The following RAP1A variants were observed in gnomAD, a reference collection of about 807,000 sequenced individuals.
The protein encoded by RAP1A is RAP1A, member of RAS oncogene family.
In RAP1A, 6 loss-of-function variants were observed where a neutral mutation model predicts 26.4. The observed-to-expected ratio is 0.23, with a 90% CI of 0.12 to 0.45. The LOEUF is 0.45. RAP1A is among the 20% of genes least tolerant of loss of function. The probability of loss-of-function intolerance (pLI) is 0.99; values close to 1 mark genes in which losing one functional copy is unlikely to be tolerated. For missense variants in RAP1A, 121 were observed against 217.2 expected, an observed-to-expected ratio of 0.56 and a Z score of 2.78; for synonymous variants, 73 against 79.4, an observed-to-expected ratio of 0.92 and a Z score of 0.43.
intron 1 of RAP1A, among the ~76,000 whole-genome samples, chr1:111,579,718 C>T (rs1260924222): frequency 2.0e-5 from 3 of 152,150 alleles, no homozygotes; most frequent in Non-Finnish European, 4.4e-5. Context: ...ACTCATAACA[C>T]GTATGTTAGT....
intron 1 of RAP1A, among the ~76,000 whole-genome samples, chr1:111,642,298 C>T (rs2182017): frequency 0.98 from 148,643 of 152,262 alleles, 72,580 homozygotes; most frequent in East Asian, 1. Context: ...CCCCACCCCA[C>T]AGAAATGTGA....
chr1:111,574,336 G>A (rs114785858), intron 1 of RAP1A, among the ~76,000 whole-genome samples: 7,226 of 152,170 alleles, frequency 0.047, 632 homozygotes, highest in African/African-American at 0.17. Flanking sequence ...TTGTACCAGT[G>A]CCATGCTGTT....
intron 1 of RAP1A, among the ~76,000 whole-genome samples, chr1:111,563,382 T>C (rs890558949): frequency 6.6e-6 from 1 of 152,204 alleles, no homozygotes; most frequent in East Asian, 1.9e-4. Flanking sequence ...ACATATGAAA[T>C]AATTGGAAAA....
chr1:111,668,249 A>T (rs1421487958), intron 1 of RAP1A, among the ~76,000 whole-genome samples: 1 of 152,230 alleles, frequency 6.6e-6, no homozygotes, highest in Non-Finnish European at 1.5e-5. Context: ...TGCACATCAC[A>T]GTAAAAGATC....
At chr1:111,553,263 A>T (rs549878305) in intron 1 of RAP1A, among the ~76,000 whole-genome samples, 2 of 152,356 alleles carry the variant, frequency 1.3e-5, no homozygotes, top group East Asian at 3.9e-4. Flanking sequence ...ACATTCCATT[A>T]TAGAAGATTT....
intron 3 of RAP1A, 74 bp downstream of exon 3, chr1:111,695,483 CT>C: frequency 9.0e-7 from 1 of 1,109,158 alleles, no homozygotes; most frequent in Admixed American, 2.9e-5. Context: ...TGTAGATTTG[CT>C]TTTTGAAAAT....
intron 1 of RAP1A, among the ~76,000 whole-genome samples, chr1:111,612,837 T>C (rs1419329193): frequency 2.6e-5 from 4 of 152,350 alleles, no homozygotes; most frequent in East Asian, 1.9e-4. Flanking sequence ...GTAATAGATA[T>C]ATTTATTATA....
chr1:111,689,183 A>G (rs1372697386), intron 1 of RAP1A, among the ~76,000 whole-genome samples: 1 of 151,990 alleles, frequency 6.6e-6, no homozygotes, highest in African/African-American at 2.4e-5. Flanking sequence ...ATTTCTTCAA[A>G]TGCACTGCTC....
chr1:111,598,516 C>T (rs1039728915), intron 1 of RAP1A, among the ~76,000 whole-genome samples: 6 of 151,976 alleles, frequency 3.9e-5, no homozygotes, highest in Admixed American at 2.6e-4. Flanking sequence ...CTTTTAAGCA[C>T]CTTCTATTAC....
At chr1:111,573,574 A>G (rs1029739732) in intron 1 of RAP1A, among the ~76,000 whole-genome samples, 3 of 152,122 alleles carry the variant, frequency 2.0e-5, no homozygotes, top group Admixed American at 2.0e-4. Context: ...ACCTCAGGCA[A>G]TCTGCCCACC....
At chr1:111,604,951 C>T (rs1420509259) in intron 1 of RAP1A, among the ~76,000 whole-genome samples, 2 of 152,092 alleles carry the variant, frequency 1.3e-5, no homozygotes, top group African/African-American at 2.4e-5. Flanking sequence ...GGAAGATCTA[C>T]CACCAGAGCT....
At chr1:111,605,755 G>A (rs1658758359) in intron 1 of RAP1A, among the ~76,000 whole-genome samples, 1 of 152,206 alleles carries the variant, frequency 6.6e-6, no homozygotes, top group African/African-American at 2.4e-5. Flanking sequence ...AGTCATGTCA[G>A]CAGTCTCCTG....
Position 111,714,425 on chromosome 1 carries a change from G to A in RAP1A, c.*2024G>A, listed in dbSNP as rs982310611. The A allele has an allele frequency of 7.9e-5, 12 of 152,126 alleles. No homozygotes were observed. The highest frequency in any genetic ancestry group is 2.9e-4 in the African/African-American group (12 of 41,412). 9.4% of individuals were successfully genotyped at this position (152,126 alleles called of 1,614,324 possible). A position where few individuals can be genotyped will look rare whatever the true frequency, so the allele number is the denominator to read the frequency against. The stretch of plus-strand genomic sequence containing the variant: ...TAAATACTACCTTGTCACATCTATT[G>A]TGTAGTTATTTAACAGATTAAATAG... On this transcript the variant is annotated 3_prime_UTR_variant, in exon 8 of 8. Coordinates refer to ENST00000369709, the MANE Select transcript of RAP1A (RefSeq NM_002884.4).
intron 1 of RAP1A, among the ~76,000 whole-genome samples, chr1:111,671,921 T>A (rs1171944682): frequency 6.6e-6 from 1 of 152,268 alleles, no homozygotes; most frequent in Non-Finnish European, 1.5e-5. Context: ...TATATTTTTA[T>A]GTTGATTTCT....
chr1:111,713,089 G>T lies in RAP1A; in HGVS notation c.*688G>T, dbSNP rs1662434228. The T allele has an allele frequency of 6.6e-6, 1 of 152,500 alleles. No homozygotes were observed. The allele number at this position is 152,500 out of a possible 1,614,324, so 9.4% of individuals were successfully genotyped here. On this transcript the variant is annotated 3_prime_UTR_variant, in exon 8 of 8. Coordinates refer to ENST00000369709, the MANE Select transcript of RAP1A (RefSeq NM_002884.4). ...GTCAGATTAAATTACAGCTTTTATG[G>T]ATGATTAAATTTTAGTACATTTTCA...
At chr1:111,653,816 T>G (rs571225549) in intron 1 of RAP1A, among the ~76,000 whole-genome samples, 1 of 151,600 alleles carries the variant, frequency 6.6e-6, no homozygotes, top group South Asian at 2.1e-4. Flanking sequence ...AAGAAGACTG[T>G]GGGCATGAAT....
chr1:111,604,718 G>A (rs1224020417), intron 1 of RAP1A: 2 of 152,242 alleles, frequency 1.3e-5, no homozygotes, highest in East Asian at 3.9e-4. Context: ...AAATGGCAAG[G>A]AGGTGAATTT....
At chr1:111,710,513 CTAAACTTGGTCTCCAGTTGGAG>C (rs1662343646) in intron 7 of RAP1A, among the ~76,000 whole-genome samples, 1 of 152,162 alleles carries the variant, frequency 6.6e-6, no homozygotes, top group South Asian at 2.1e-4. Context: ...ATGATTATTA[CTAAACTTGGTCTCCAGTTGGAG>C]TAAACTGGTC....
intron 1 of RAP1A, among the ~76,000 whole-genome samples, chr1:111,587,714 T>C (rs1188159755): frequency 2.0e-5 from 3 of 152,182 alleles, no homozygotes; most frequent in Non-Finnish European, 4.4e-5. Context: ...TCCCATTCAC[T>C]TACAAATCTA....
Sources: gnomAD v4.1 joint callset for allele counts (sites outside exome capture counted in the v4.1 genomes callset) on GRCh38, gnomAD v4.1.1 for gene constraint, MANE v1.5 for transcripts, NCBI Gene and HGNC (gene_info 2026-07-23, HGNC 2026-07-21) for gene names.